The following NXPE2 variants were observed in gnomAD, a reference collection of about 807,000 sequenced individuals.
The protein encoded by NXPE2 is neurexophilin and PC-esterase domain family member 2, also known as NXPE family member 2.
NXPE2 carries 34 observed loss-of-function variants against 34.4 expected under a neutral mutation model. The observed-to-expected ratio is 0.99, with a 90% CI of 0.75 to 1.31. The LOEUF is 1.31. NXPE2 is among the 40% of genes most tolerant of loss of function. The probability of loss-of-function intolerance (pLI) is 0.00; values close to 1 mark genes in which losing one functional copy is unlikely to be tolerated. For missense variants in NXPE2, 649 were observed against 672.5 expected (o/e 0.97, Z 0.39); for synonymous variants, 235 against 231.3 (o/e 1.02, Z -0.15).
At chr11:114,650,771 G>C in the NXPE2 span, among the ~76,000 whole-genome samples, 2 of 152,100 alleles carry the variant, frequency 1.3e-5, no homozygotes, top group African/African-American at 2.4e-5. Flanking sequence ...AGAAGGAGGA[G>C]CAAGAACTCT....
At chr11:114,537,306 A>C in the NXPE2 span, among the ~76,000 whole-genome samples, 1 of 152,216 alleles carries the variant, frequency 6.6e-6, no homozygotes, top group African/African-American at 2.4e-5. Context: ...TATCTATGAC[A>C]ACCCCACAGC....
the NXPE2 span, among the ~76,000 whole-genome samples, chr11:114,555,835 A>G: frequency 2.0e-5 from 3 of 152,214 alleles, no homozygotes; most frequent in African/African-American, 7.2e-5. Context: ...TTGAAGATTC[A>G]TCAAGGTTGC....
At chr11:114,497,289 T>C in the NXPE2 span, among the ~76,000 whole-genome samples, 7 of 152,146 alleles carry the variant, frequency 4.6e-5, no homozygotes, top group African/African-American at 1.7e-4. Context: ...CTTATAAAGA[T>C]ATAAAGAAAA....
the NXPE2 span, among the ~76,000 whole-genome samples, chr11:114,653,202 A>G: frequency 6.6e-6 from 1 of 152,220 alleles, no homozygotes; most frequent in Non-Finnish European, 1.5e-5. Context: ...CAAAACATTT[A>G]TTATTCTAGA....
At chr11:114,537,480 G>A in the NXPE2 span, among the ~76,000 whole-genome samples, 1 of 152,134 alleles carries the variant, frequency 6.6e-6, no homozygotes, top group Non-Finnish European at 1.5e-5. Flanking sequence ...AGGAAAAGAG[G>A]AAGTCAGATT....
chr11:114,698,044 G>C lies in NXPE2; in HGVS notation c.133-1G>C. On this transcript the variant is annotated splice_acceptor_variant, in intron 2 of 5. Transcript: ENST00000389586. LOFTEE classifies it high-confidence loss of function. The stretch of plus-strand genomic sequence containing the variant: ...TTTTCTTTTCCCTTTCAATATTTCA[G>C]TTCTCGTTCAACTTGGAAAACCATA... The C allele has an allele frequency of 6.7e-7, 1 of 1,483,904 alleles. No individual in the cohort carries two copies. 91.9% of individuals were successfully genotyped at this position (1,483,904 alleles called of 1,614,324 possible). A position where few individuals can be genotyped will look rare whatever the true frequency, so the allele number is the denominator to read the frequency against.
At chr11:114,798,983 C>T in the NXPE2 span, among the ~76,000 whole-genome samples, 3 of 152,200 alleles carry the variant, frequency 2.0e-5, no homozygotes, top group African/African-American at 7.2e-5. Flanking sequence ...CTCCTTGCCG[C>T]TCTCACTAGA....
At chr11:114,609,923 G>C in the NXPE2 span, among the ~76,000 whole-genome samples, 3 of 151,866 alleles carry the variant, frequency 2.0e-5, no homozygotes, top group Non-Finnish European at 4.4e-5. Context: ...ATTAACCGGT[G>C]GATAATAAGT....
the NXPE2 span, among the ~76,000 whole-genome samples, chr11:114,783,835 G>A: frequency 6.6e-6 from 1 of 152,166 alleles, no homozygotes; most frequent in Non-Finnish European, 1.5e-5. Flanking sequence ...GCTCAACCAA[G>A]TGATTCTTAT....
chr11:114,699,879 C>T (rs534725970), intron 3 of NXPE2, among the ~76,000 whole-genome samples: 8 of 151,832 alleles, frequency 5.3e-5, no homozygotes, highest in South Asian at 2.1e-4. Context: ...CTGCAACCTC[C>T]GCCTCCTGGG....
the NXPE2 span, among the ~76,000 whole-genome samples, chr11:114,507,337 C>T: frequency 1.5e-4 from 23 of 151,004 alleles, no homozygotes; most frequent in African/African-American, 5.6e-4. Context: ...ACCATTCCTA[C>T]TGAAACTACT....
the NXPE2 span, among the ~76,000 whole-genome samples, chr11:114,496,560 G>A: frequency 6.6e-6 from 1 of 152,210 alleles, no homozygotes; most frequent in South Asian, 2.1e-4. Context: ...AGGATCACAG[G>A]AGGCTTCCAT....
the NXPE2 span, among the ~76,000 whole-genome samples, chr11:114,747,352 A>G: frequency 6.6e-6 from 1 of 151,870 alleles, no homozygotes; most frequent in African/African-American, 2.4e-5. Flanking sequence ...CAGCAGGGAA[A>G]CAGATATTGG....
the NXPE2 span, among the ~76,000 whole-genome samples, chr11:114,806,540 A>G: frequency 6.6e-6 from 1 of 152,042 alleles, no homozygotes; most frequent in Admixed American, 6.6e-5. Context: ...CGAGAGCTAC[A>G]TGACGAATGC....
chr11:114,632,719 AT>A, the NXPE2 span, among the ~76,000 whole-genome samples: 7 of 61,620 alleles, frequency 1.1e-4, no homozygotes, highest in African/African-American at 3.6e-4. Context: ...AATATAATAT[AT>A]ATAATATATA....
the NXPE2 span, chr11:114,530,697 G>T: frequency 1.4e-5 from 22 of 1,614,208 alleles, no homozygotes; most frequent in East Asian, 2.2e-5. Context: ...GTTGAGGATG[G>T]TGGCTGTGCT....
chr11:114,598,740 G>A, the NXPE2 span, among the ~76,000 whole-genome samples: 1 of 152,032 alleles, frequency 6.6e-6, no homozygotes, highest in Admixed American at 6.6e-5. Context: ...GGGTGACAGG[G>A]CCCCGGGCCT....
the NXPE2 span, among the ~76,000 whole-genome samples, chr11:114,756,654 T>C: frequency 7.2e-5 from 11 of 152,254 alleles, 1 homozygote; most frequent in South Asian, 1.0e-3. Context: ...CTCTCAGAAT[T>C]CAGTTTTATA....
At chr11:114,772,156 C>T in the NXPE2 span, among the ~76,000 whole-genome samples, 1 of 152,122 alleles carries the variant, frequency 6.6e-6, no homozygotes, top group Non-Finnish European at 1.5e-5. Context: ...AGAAATATTT[C>T]TCTTTCCAAA....
Sources: allele counts gnomAD v4.1 joint callset (sites outside exome capture counted in the v4.1 genomes callset), GRCh38; gene constraint gnomAD v4.1.1; transcripts MANE v1.5; gene names NCBI Gene and HGNC (gene_info 2026-07-23, HGNC 2026-07-21).